SF3B3: variants seen among roughly 807,000 people sequenced by gnomAD.
SF3B3 encodes splicing factor 3b subunit 3.
A neutral mutation model predicts 139.2 loss-of-function variants in SF3B3; 33 were observed. That is an observed-to-expected ratio of 0.24 (90% CI 0.18 to 0.32). SF3B3 has a LOEUF of 0.32. Ranked by LOEUF, SF3B3 falls within the 10% of genes least tolerant of loss-of-function variation. SF3B3 has a pLI of 1.00. For missense variants in SF3B3, 818 were observed against 1,509.4 expected, an observed-to-expected ratio of 0.54 and a Z score of 7.59; for synonymous variants, 596 against 563.6, an observed-to-expected ratio of 1.06 and a Z score of -0.81.
At chr16:70,559,440 G>A (rs892129413) in intron 15 of SF3B3, among the ~76,000 whole-genome samples, 3 of 152,012 alleles carry the variant, frequency 2.0e-5, no homozygotes, top group Non-Finnish European at 4.4e-5. Context: ...TAATCCCAGC[G>A]CTTTGCGAGG....
Position 70,571,895 on chromosome 16 carries a change from T to G in SF3B3, c.*82T>G. The G allele has an allele frequency of 4.1e-6, 6 of 1,479,736 alleles. No homozygotes were observed. The highest frequency in any genetic ancestry group is 5.5e-6 in the Non-Finnish European group (6 of 1,089,322). 91.7% of individuals were successfully genotyped at this position (1,479,736 alleles called of 1,614,324 possible). ...CATCACTGCCACCTGGCTTCTGCCA[T>G]GTGGCAGGAGGGTGACTGGATAATT... On this transcript the variant is annotated 3_prime_UTR_variant, in exon 26 of 26. Transcript: ENST00000302516.
chr16:70,555,713 A>G (rs985568821), intron 13 of SF3B3, among the ~76,000 whole-genome samples: 3 of 152,192 alleles, frequency 2.0e-5, no homozygotes, highest in African/African-American at 7.2e-5. Flanking sequence ...AAACTTCTAT[A>G]TGGAAGGATG....
intron 14 of SF3B3, 180 bp from the exon 15 acceptor site, chr16:70,556,706 C>T (rs978590581): frequency 3.5e-5 from 23 of 654,926 alleles, no homozygotes; most frequent in African/African-American, 2.7e-4. Flanking sequence ...ATGATCTTCC[C>T]GAAGCTTATT....
Position 70,564,435 on chromosome 16 carries a change from T to A in SF3B3, c.2463+385T>A, listed in dbSNP as rs182276359. Among the ~76,000 whole-genome samples, 6 of 152,354 alleles carry A rather than the reference T, an allele frequency of 3.9e-5. No individual in the cohort carries two copies. The East Asian group carries it at 1.2e-3, about 29-fold the overall frequency. On this transcript the variant is annotated intron_variant, in intron 18 of 25. Coordinates refer to ENST00000302516, the MANE Select transcript of SF3B3 (RefSeq NM_012426.5). ...TTTAAAGATCTAGGCTTTTTTCAGC[T>A]TTTTTAAGCAGAGGCCTTTGCCCCA...
chr16:70,524,720 G>T (rs926749740), intron 1 of SF3B3: 1 of 152,050 alleles, frequency 6.6e-6, no homozygotes, highest in African/African-American at 2.4e-5. Context: ...TCGCTTTGTC[G>T]CCCAGGCTGG....
At chr16:70,548,279 T>A (rs1014910304) in intron 10 of SF3B3, 91 bp from the exon 11 acceptor site, 61 of 1,037,422 alleles carry the variant, frequency 5.9e-5, no homozygotes, top group Non-Finnish European at 7.8e-5. Flanking sequence ...TTGTGAACCC[T>A]GCCTTTGAGA....
At chr16:70,571,072 A>G in intron 24 of SF3B3, 23 bp from the exon 25 acceptor site, 1 of 1,568,018 alleles carries the variant, frequency 6.4e-7, no homozygotes, top group South Asian at 1.1e-5. Flanking sequence ...TCTCAGTGAC[A>G]GATTTTTTGT....
In SF3B3 at chr16:70,567,437, TA is replaced by T; in HGVS notation, c.2854del (p.Ile952LeufsTer9). On this transcript the variant is annotated frameshift_variant, in exon 21 of 26. Coordinates refer to ENST00000302516, the MANE Select transcript of SF3B3 (RefSeq NM_012426.5). LOFTEE classifies it high-confidence loss of function. ...CTCCTGTGGAAGAGGTCCCTGCTGC[TA>T]TTGCCCCATTCCAGGGGAGGGTGTT... ...KTPVEEVPAA[I>X]APFQGRVLIG... is the part of the protein sequence containing the mutation. 6.2e-7 allele frequency: 1 copy of T among 1,614,016 alleles called. No individual in the cohort carries two copies. Among genetic ancestry groups the T allele is most frequent in the Non-Finnish European group, 8.5e-7 (1 of 1,179,926 alleles).
chr16:70,568,333 T>C lies in SF3B3; in HGVS notation c.3003T>C (p.Ile1001=), dbSNP rs1348449630. Reference sequence around the variant, plus strand: ...TCCAGACTATCGGACATAGGGTAATTGTATCTGATGTCCAAGAAAGTTTCA... The same window carrying C: ...TCCAGACTATCGGACATAGGGTAATCGTATCTGATGTCCAAGAAAGTTTCA... ...SGIQTIGHRV[I]VSDVQESFIW... is the part of the protein sequence containing the mutation. The change falls in exon 22 of 26, where the codon ATT becomes ATC. Residue 1001 remains isoleucine, a synonymous_variant. Transcript: ENST00000302516. 6.2e-7 allele frequency: 1 copy of C among 1,613,700 alleles called. No homozygotes were observed.
At chr16:70,530,704 T>C (rs2050113430) in intron 3 of SF3B3, 41 bp from the exon 4 acceptor site, 2 of 1,533,438 alleles carry the variant, frequency 1.3e-6, no homozygotes, top group African/African-American at 2.8e-5. Flanking sequence ...TCTCTTCTCA[T>C]TATCTGGGAA....
Position 70,574,986 on chromosome 16 carries a change from G to A in SF3B3, c.*3173G>A, listed in dbSNP as rs1296513135. 2.0e-5 allele frequency: 3 copies of A among 152,106 alleles called. No homozygotes were observed. The highest frequency in any genetic ancestry group is 4.8e-5 in the African/African-American group (2 of 41,416). 9.4% of individuals were successfully genotyped at this position (152,106 alleles called of 1,614,324 possible). ...CTGGTCCAAAAAACGTCACAACGGA[G>A]GAAAGGAATAGATGGCTCTCGAGGA... is the stretch of plus-strand genomic sequence containing the variant. On this transcript the variant is annotated 3_prime_UTR_variant, in exon 26 of 26. Coordinates refer to ENST00000302516, the MANE Select transcript of SF3B3 (RefSeq NM_012426.5).
chr16:70,547,303 T>C (rs1317706674), intron 10 of SF3B3, among the ~76,000 whole-genome samples: 2 of 152,236 alleles, frequency 1.3e-5, no homozygotes, highest in African/African-American at 4.8e-5. Context: ...TTACACGTTA[T>C]ATATAAGTGG....
At chr16:70,530,478 C>G (rs2050111157) in intron 3 of SF3B3, among the ~76,000 whole-genome samples, 1 of 152,002 alleles carries the variant, frequency 6.6e-6, no homozygotes, top group African/African-American at 2.4e-5. Context: ...CACCACCACA[C>G]CTAGCTAATT....
chr16:70,565,700 T>A, intron 20 of SF3B3, 176 bp downstream of exon 20: 1 of 608,040 alleles, frequency 1.6e-6, no homozygotes, highest in Non-Finnish European at 2.9e-6. Flanking sequence ...TGCCTGTGCA[T>A]TCCACAGGAA....
Position 70,571,884 on chromosome 16 carries a change from G to A in SF3B3, c.*71G>A, listed in dbSNP as rs2050532773. The stretch of plus-strand genomic sequence containing the variant: ...TCCCCCACCACCATCACTGCCACCT[G>A]GCTTCTGCCATGTGGCAGGAGGGTG... On this transcript the variant is annotated 3_prime_UTR_variant, in exon 26 of 26. Transcript: ENST00000302516. 2 of 1,535,312 alleles carry A rather than the reference G, an allele frequency of 1.3e-6. No individual in the cohort carries two copies. The highest frequency in any genetic ancestry group is 1.8e-6 in the Non-Finnish European group (2 of 1,138,206).
intron 21 of SF3B3, 27 bp from the exon 22 acceptor site, chr16:70,568,256 C>A: frequency 6.5e-7 from 1 of 1,543,624 alleles, no homozygotes; most frequent in Non-Finnish European, 9.0e-7. Flanking sequence ...TTACACCCAC[C>A]ATCACTATTG....
chr16:70,531,050 A>G, intron 4 of SF3B3, 133 bp downstream of exon 4: 2 of 726,280 alleles, frequency 2.8e-6, no homozygotes. Flanking sequence ...GCGGATCATG[A>G]GGTCAGGAGA....
At chr16:70,569,863 G>A in intron 23 of SF3B3, 143 bp from the exon 24 acceptor site, 2 of 875,896 alleles carry the variant, frequency 2.3e-6, no homozygotes, top group Non-Finnish European at 3.5e-6. Context: ...CTGGGCTCAA[G>A]CAATCCTCCC....
chr16:70,561,129 T>C (rs2050424606), intron 16 of SF3B3, among the ~76,000 whole-genome samples: 1 of 152,182 alleles, frequency 6.6e-6, no homozygotes, highest in Non-Finnish European at 1.5e-5. Context: ...CAACCAATTG[T>C]CTTTCCTCAG....
Sources: allele counts gnomAD v4.1 joint callset (sites outside exome capture counted in the v4.1 genomes callset), GRCh38; gene constraint gnomAD v4.1.1; transcripts MANE v1.5; gene names NCBI Gene and HGNC (gene_info 2026-07-23, HGNC 2026-07-21).